The following TNRC6B variants were observed in gnomAD, a reference collection of about 807,000 sequenced individuals.
TNRC6B encodes the protein trinucleotide repeat containing adaptor 6B.
In TNRC6B, 52 loss-of-function variants were observed where a neutral mutation model predicts 203.6. The ratio of observed to expected loss-of-function variants is 0.26; its 90% confidence interval spans 0.20 to 0.32. The LOEUF is 0.32. TNRC6B is among the 10% of genes least tolerant of loss of function. TNRC6B has a pLI of 1.00. For synonymous variants in TNRC6B, 838 were observed against 845.7 expected (o/e 0.99, Z 0.16); for missense variants, 1,923 against 2,286.2 (o/e 0.84, Z 3.24).
chr22:40,072,333 C>T (rs970138971), intron 1 of TNRC6B, among the ~76,000 whole-genome samples: 1 of 152,088 alleles, frequency 6.6e-6, no homozygotes, highest in African/African-American at 2.4e-5. Flanking sequence ...GCTCATTCAC[C>T]AAGTCAGTTG....
intron 1 of TNRC6B, among the ~76,000 whole-genome samples, chr22:40,053,683 CTG>C (rs2067769895): frequency 6.6e-6 from 1 of 152,188 alleles, no homozygotes; most frequent in Non-Finnish European, 1.5e-5. Context: ...ACATACTGTA[CTG>C]TGTCTGTCAT....
At chr22:40,188,528 G>C (rs1391895553) in intron 1 of TNRC6B, among the ~76,000 whole-genome samples, 1 of 152,164 alleles carries the variant, frequency 6.6e-6, no homozygotes, top group African/African-American at 2.4e-5. Context: ...TAATGCCTTA[G>C]TAAGGTCAGA....
upstream of TNRC6B, among the ~76,000 whole-genome samples, chr22:40,176,945 A>G (rs914740268): frequency 5.9e-5 from 9 of 152,148 alleles, no homozygotes; most frequent in African/African-American, 1.2e-4. Context: ...GGGAAGCCCA[A>G]TCTCCGCCGG....
intron 7 of TNRC6B, among the ~76,000 whole-genome samples, chr22:40,274,422 CTTTTT>C (rs374621260): frequency 1.5e-3 from 214 of 140,686 alleles, no homozygotes; most frequent in African/African-American, 4.2e-3. Flanking sequence ...AATGATATCT[CTTTTT>C]TTTTTTTTTT....
At position 40,328,755 on chromosome 22, in the gene TNRC6B, C is replaced by T. The variant is rs1211715176; in HGVS notation, c.*5514C>T. 6.6e-6 allele frequency: 1 copy of T among 152,164 alleles called. No homozygotes were observed. Among genetic ancestry groups the T allele is most frequent in the African/African-American group, 2.4e-5 (1 of 41,412 alleles). The allele number at this position is 152,164 out of a possible 1,614,324, so 9.4% of individuals were successfully genotyped here. On this transcript the variant is annotated 3_prime_UTR_variant, in exon 23 of 23. Transcript: ENST00000454349. Reference sequence around the variant, plus strand: ...TTTTCAGCAGACTTGGCTCTAATAGCCATCTCTAAGATTAGGGAACAATTG... The same window carrying T: ...TTTTCAGCAGACTTGGCTCTAATAGTCATCTCTAAGATTAGGGAACAATTG...
intron 1 of TNRC6B, among the ~76,000 whole-genome samples, chr22:40,065,081 G>A (rs1288551841): frequency 7.0e-6 from 1 of 142,908 alleles, no homozygotes; most frequent in African/African-American, 2.5e-5. Context: ...CTCATAGAAT[G>A]AATTGGGAAG....
intron 1 of TNRC6B, among the ~76,000 whole-genome samples, chr22:40,116,207 A>G (rs2068386357): frequency 6.6e-6 from 1 of 152,172 alleles, no homozygotes. Flanking sequence ...CTAAGGGGCC[A>G]ACTTCCAAAT....
At chr22:40,288,105 A>T (rs955879821) in intron 12 of TNRC6B, among the ~76,000 whole-genome samples, 1 of 152,258 alleles carries the variant, frequency 6.6e-6, no homozygotes, top group African/African-American at 2.4e-5. Flanking sequence ...AAATGCACAC[A>T]CACTGTCTTA....
chr22:40,057,536 G>A (rs778418675), intron 1 of TNRC6B, among the ~76,000 whole-genome samples: 10 of 151,944 alleles, frequency 6.6e-5, no homozygotes, highest in Admixed American at 5.9e-4. Flanking sequence ...CAGGTGATCC[G>A]CAGCCTCCCA....
At chr22:40,183,594 A>C (rs935351347) in intron 1 of TNRC6B, among the ~76,000 whole-genome samples, 9 of 152,196 alleles carry the variant, frequency 5.9e-5, no homozygotes, top group African/African-American at 2.2e-4. Flanking sequence ...TAGAGTTTAC[A>C]AGGCAAAGGA....
At chr22:40,286,279 G>C (rs1396606041) in intron 12 of TNRC6B, among the ~76,000 whole-genome samples, 1 of 152,170 alleles carries the variant, frequency 6.6e-6, no homozygotes, top group Non-Finnish European at 1.5e-5. Context: ...CGGAGTTTGA[G>C]ACCAGCCTGG....
chr22:40,285,434 A>G (rs916510829), intron 11 of TNRC6B, among the ~76,000 whole-genome samples: 1 of 152,200 alleles, frequency 6.6e-6, no homozygotes, highest in Non-Finnish European at 1.5e-5. Flanking sequence ...CTTTCCGTTT[A>G]TAGAGTTCTT....
chr22:40,125,912 G>A (rs767291111), intron 3 of TNRC6B: 1 of 1,558,870 alleles, frequency 6.4e-7, no homozygotes, highest in South Asian at 1.2e-5. Context: ...GAACAGTAGA[G>A]GCTGTGGATG....
At chr22:40,177,778 C>G, upstream of TNRC6B, 1 of 1,208,404 alleles carries the variant, frequency 8.3e-7, no homozygotes, top group Non-Finnish European at 1.1e-6. Context: ...GAGATAACAG[C>G]ATTTCACAAA....
rs11913026 is a variant in TNRC6B at position 40,125,721 on chromosome 22, A to T, written c.-46-51A>T. 11,812 of 1,430,754 alleles carry T rather than the reference A, an allele frequency of 8.3e-3. 844 individuals carry two copies. In the African/African-American group the frequency reaches 0.15, roughly 19 times the overall value. 88.6% of individuals were successfully genotyped at this position (1,430,754 alleles called of 1,614,324 possible). ...TTCAGTCTAAACCTTTGAAAAAAAA[A>T]TTTTTTTGCCCTGAATTCCTTACAT... On this transcript the variant is annotated intron_variant, in intron 2 of 23. Transcript: ENST00000301923.
chr22:40,206,306 G>A (rs1056449791), intron 1 of TNRC6B, among the ~76,000 whole-genome samples: 3 of 151,948 alleles, frequency 2.0e-5, no homozygotes, highest in East Asian at 1.9e-4. Context: ...TTATTTAAAC[G>A]ATTCCCTGCT....
Position 40,052,244 on chromosome 22 carries a change from C to A in TNRC6B, c.-121+7246C>A, listed in dbSNP as rs558415957. On this transcript the variant is annotated intron_variant, in intron 1 of 23. Transcript: ENST00000301923. ...AAACTTTTAACAATTTTTTTGGTGT[C>A]ATTGTTTTTTTCATATAGTGATTAC... Among the ~76,000 whole-genome samples, 10 of 152,192 alleles carry A rather than the reference C, an allele frequency of 6.6e-5. No homozygotes were observed. In the East Asian group the frequency reaches 1.9e-3, roughly 29 times the overall value.
At position 40,331,597 on chromosome 22, in the gene TNRC6B, A is replaced by C. The variant is rs1287900065; in HGVS notation, c.*8356A>C. On this transcript the variant is annotated 3_prime_UTR_variant, in exon 23 of 23. Coordinates refer to ENST00000454349, the MANE Select transcript of TNRC6B (RefSeq NM_001162501.2). The stretch of plus-strand genomic sequence containing the variant: ...CTCTCTCATGGCCTTGAAATGTATT[A>C]TTATGCAAATGTGAATTTTGATACT... The C allele has an allele frequency of 3.3e-6, 1 of 303,866 alleles. No individual in the cohort carries two copies. The highest frequency in any genetic ancestry group is 5.8e-6 in the Non-Finnish European group (1 of 171,920). 18.8% of individuals were successfully genotyped at this position (303,866 alleles called of 1,614,324 possible). A position where few individuals can be genotyped will look rare whatever the true frequency, so the allele number is the denominator to read the frequency against.
At chr22:40,161,631 A>C (rs771121010) in intron 4 of TNRC6B, among the ~76,000 whole-genome samples, 1 of 152,212 alleles carries the variant, frequency 6.6e-6, no homozygotes, top group Non-Finnish European at 1.5e-5. Flanking sequence ...GATATTGAGA[A>C]ATATCTGTGC....
Sources: allele counts gnomAD v4.1 joint callset (sites outside exome capture counted in the v4.1 genomes callset), GRCh38; gene constraint gnomAD v4.1.1; transcripts MANE v1.5; gene names NCBI Gene and HGNC (gene_info 2026-07-23, HGNC 2026-07-21).